SORCS1: variants seen among roughly 807,000 people sequenced by gnomAD.
SORCS1 encodes VPS10 domain-containing receptor SorCS1.
SORCS1 carries 60 observed loss-of-function variants against 146.1 expected under a neutral mutation model. The observed-to-expected ratio is 0.41, with a 90% confidence interval of 0.33 to 0.51. The LOEUF is 0.51. SORCS1 is among the 20% of genes least tolerant of loss of function. The pLI is 0.21. For missense variants in SORCS1, 1,352 were observed against 1,487.6 expected, an observed-to-expected ratio of 0.91 and a Z score of 1.50; for synonymous variants, 637 against 584.0, an observed-to-expected ratio of 1.09 and a Z score of -1.31.
In SORCS1 at chr10:106,829,691, C is replaced by A; in HGVS notation, c.627-18G>T. 2 of 1,579,978 alleles carry A rather than the reference C, an allele frequency of 1.3e-6. No homozygotes were observed. Among genetic ancestry groups the A allele is most frequent in the Non-Finnish European group, 1.7e-6 (2 of 1,151,078 alleles). ...CGGTTGACCTATAATCCAAAAAGAG[C>A]ATTAATGAGGACAGAAGTATATGTC... On this transcript the variant is annotated intron_variant, in intron 2 of 25. Transcript: ENST00000263054.
rs185045015 is a variant in SORCS1, at chr10:106,876,247, C to A, written c.627-46574G>T. Among the ~76,000 whole-genome samples the A allele has an allele frequency of 1.2e-4, 18 of 152,208 alleles. No homozygotes were observed. In the East Asian group the frequency reaches 3.3e-3, roughly 28 times the overall value. On this transcript the variant is annotated intron_variant, in intron 2 of 25. Transcript: ENST00000263054. ...TTTATAATCAACATGAATAATTCAGCAGTGCATTATTTGTGCTTTATTATT... is the reference window on the plus strand; with the variant it reads ...TTTATAATCAACATGAATAATTCAGAAGTGCATTATTTGTGCTTTATTATT...
Position 106,575,969 on chromosome 10 carries a change from A to G in SORCS1, c.*1451T>C, listed in dbSNP as rs545917834. ...CACATTCAAAACATTTCTCACAAGA[A>G]TCTTCTGGAATCAGATCGCACGAGA... On this transcript the variant is annotated 3_prime_UTR_variant, in exon 26 of 26. Transcript: ENST00000263054. The G allele has an allele frequency of 6.6e-6, 1 of 152,618 alleles. No homozygotes were observed. The highest frequency in any genetic ancestry group is 2.4e-5 in the African/African-American group (1 of 41,468). 9.5% of individuals were successfully genotyped at this position (152,618 alleles called of 1,614,324 possible).
At chr10:106,610,159 G>T (rs1162718746) in intron 22 of SORCS1, among the ~76,000 whole-genome samples, 1 of 152,042 alleles carries the variant, frequency 6.6e-6, no homozygotes, top group Non-Finnish European at 1.5e-5. Context: ...GGGTGGCATT[G>T]CTCAGAGGCA....
intron 1 of SORCS1, among the ~76,000 whole-genome samples, chr10:107,121,718 G>C (rs772971357): frequency 6.6e-6 from 1 of 152,032 alleles, no homozygotes; most frequent in Non-Finnish European, 1.5e-5. Flanking sequence ...CATACAGTTG[G>C]AGAATTGTTA....
chr10:107,100,228 A>C (rs926621781), intron 1 of SORCS1, among the ~76,000 whole-genome samples: 1 of 152,214 alleles, frequency 6.6e-6, no homozygotes, highest in African/African-American at 2.4e-5. Context: ...GAAATAAGTA[A>C]ATAGGCCGGG....
intron 24 of SORCS1, among the ~76,000 whole-genome samples, chr10:106,591,041 G>C (rs1479708278): frequency 6.6e-6 from 1 of 152,188 alleles, no homozygotes; most frequent in Non-Finnish European, 1.5e-5. Flanking sequence ...CATCACAGAA[G>C]ATGTGAAGAA....
intron 1 of SORCS1, among the ~76,000 whole-genome samples, chr10:107,039,446 T>A (rs1959067419): frequency 1.3e-5 from 2 of 152,170 alleles, no homozygotes; most frequent in Admixed American, 1.3e-4. Flanking sequence ...TTCTAAAATG[T>A]AAATGTGCCA....
At chr10:106,832,970 A>T (rs750951347) in intron 2 of SORCS1, among the ~76,000 whole-genome samples, 3 of 152,194 alleles carry the variant, frequency 2.0e-5, no homozygotes, top group Non-Finnish European at 2.9e-5. Flanking sequence ...TATTATAAGG[A>T]TGCTACATAC....
At chr10:106,725,908 G>A (rs1370788493) in intron 6 of SORCS1, among the ~76,000 whole-genome samples, 1 of 145,684 alleles carries the variant, frequency 6.9e-6, no homozygotes, top group Non-Finnish European at 1.5e-5. Context: ...TCCAGACTGG[G>A]TGACAGAGTG....
chr10:106,986,099 CTA>C (rs1220757028), intron 1 of SORCS1, among the ~76,000 whole-genome samples: 1 of 152,086 alleles, frequency 6.6e-6, no homozygotes. Flanking sequence ...ACAATGAATA[CTA>C]TGTTTTAGCA....
At chr10:106,782,678 A>G (rs1412588818) in intron 3 of SORCS1, among the ~76,000 whole-genome samples, 3 of 152,270 alleles carry the variant, frequency 2.0e-5, no homozygotes, top group Non-Finnish European at 2.9e-5. Flanking sequence ...ACTTGGGACT[A>G]CTGAACATAG....
the SORCS1 span, among the ~76,000 whole-genome samples, chr10:107,174,083 T>A: frequency 8.7e-4 from 133 of 152,348 alleles, 1 homozygote; most frequent in African/African-American, 3.2e-3. Flanking sequence ...GATAAATCAG[T>A]ATTTTAAAAA....
intron 2 of SORCS1, among the ~76,000 whole-genome samples, chr10:106,864,711 T>C (rs1950162386): frequency 6.6e-6 from 1 of 152,042 alleles, no homozygotes; most frequent in Non-Finnish European, 1.5e-5. Flanking sequence ...TGCACCTCAC[T>C]GAGCTGGAGC....
intron 1 of SORCS1, among the ~76,000 whole-genome samples, chr10:106,982,650 C>T (rs186491715): frequency 1.3e-5 from 2 of 152,236 alleles, no homozygotes; most frequent in Admixed American, 6.6e-5. Context: ...GTTTTTCTTA[C>T]GGATTTGACT....
At chr10:107,176,179 A>G in the SORCS1 span, among the ~76,000 whole-genome samples, 1 of 151,784 alleles carries the variant, frequency 6.6e-6, no homozygotes, top group Non-Finnish European at 1.5e-5. Context: ...TTTTTGATTC[A>G]TGAGTTATTA....
At chr10:107,037,743 G>A (rs915250257) in intron 1 of SORCS1, among the ~76,000 whole-genome samples, 1 of 152,238 alleles carries the variant, frequency 6.6e-6, no homozygotes. Context: ...GCTAATAGGA[G>A]AAACTTGCTC....
At chr10:106,619,394 T>G (rs1403491630) in intron 20 of SORCS1, among the ~76,000 whole-genome samples, 1 of 152,178 alleles carries the variant, frequency 6.6e-6, no homozygotes, top group Non-Finnish European at 1.5e-5. Context: ...CAAAATTATA[T>G]CTCCAGCTAA....
intron 2 of SORCS1, among the ~76,000 whole-genome samples, chr10:106,851,376 G>A (rs530133864): frequency 1.3e-5 from 2 of 152,318 alleles, no homozygotes; most frequent in East Asian, 3.9e-4. Flanking sequence ...TGTGAGGGCT[G>A]TAAGGTCTGT....
In SORCS1 at chr10:106,767,407, A is replaced by G. The variant is rs77501522; in HGVS notation, c.886-5746T>C. ...TGACTGTGGGCGAGTTTGATTTGTG[A>G]ACACCTCCTGTGCATTCAGGTCTGG... is the stretch of plus-strand genomic sequence containing the variant. On this transcript the variant is annotated intron_variant, in intron 4 of 25. Coordinates refer to ENST00000263054, the MANE Select transcript of SORCS1 (RefSeq NM_052918.5). 2.3e-3 allele frequency among the ~76,000 whole-genome samples: 354 copies of G among 152,280 alleles called. 3 individuals are homozygous for G. The highest frequency in any genetic ancestry group is 8.2e-3 in the African/African-American group (339 of 41,562).
Sources: allele counts gnomAD v4.1 joint callset (sites outside exome capture counted in the v4.1 genomes callset), GRCh38; gene constraint gnomAD v4.1.1; transcripts MANE v1.5; gene names NCBI Gene and HGNC (gene_info 2026-07-23, HGNC 2026-07-21).